Variants in ITGA6 observed in about 807,000 individuals in gnomAD.
The protein encoded by ITGA6 is integrin subunit alpha 6, also known as integrin alpha-6.
A neutral mutation model predicts 133.6 loss-of-function variants in ITGA6; 63 were observed. The ratio of observed to expected loss-of-function variants is 0.47; its 90% CI spans 0.38 to 0.58. The LOEUF (loss-of-function observed/expected upper bound fraction) is 0.58, where lower values mean the gene tolerates loss of function less well. Ranked by LOEUF, ITGA6 falls within the 20% of genes least tolerant of loss-of-function variation. The probability of loss-of-function intolerance (pLI) is 0.00; values close to 1 mark genes in which losing one functional copy is unlikely to be tolerated. For missense variants in ITGA6, 1,068 were observed against 1,309.4 expected, an observed-to-expected ratio of 0.82 and a Z score of 2.85; for synonymous variants, 434 against 482.0, an observed-to-expected ratio of 0.90 and a Z score of 1.30.
At chr2:172,496,893 T>C (rs1687148997) in intron 23 of ITGA6, among the ~76,000 whole-genome samples, 1 of 152,228 alleles carries the variant, frequency 6.6e-6, no homozygotes, top group Admixed American at 6.5e-5. Flanking sequence ...TAATTGATAT[T>C]TGCAAACTAT....
chr2:172,451,493 CAAGCCTGGCTGGGGGAG>C (rs1553529625), intron 1 of ITGA6, among the ~76,000 whole-genome samples: 1 of 150,572 alleles, frequency 6.6e-6, no homozygotes, highest in Non-Finnish European at 1.5e-5. Context: ...ATGCTTATGG[CAAGCCTGGCTGGGGGAG>C]AAGCTGAGTT....
At chr2:172,451,407 G>C (rs973372878) in intron 1 of ITGA6, among the ~76,000 whole-genome samples, 7 of 151,030 alleles carry the variant, frequency 4.6e-5, no homozygotes, top group Non-Finnish European at 7.4e-5. Context: ...AGAGGTTGCA[G>C]TGAGCCAAGA....
chr2:172,474,236 T>C lies in ITGA6; in HGVS notation c.957T>C (p.Asp319=), dbSNP rs1172446188. Residue 319 remains aspartate, a synonymous_variant, in exon 6 of 26, where the codon GAT becomes GAC. Transcript: ENST00000684293. Reference sequence around the variant, plus strand: ...GTCTGGCCTCTTCATTTGGCTATGATGTGGCGGTGGTGGACCTCAACAAGG... The same window carrying C: ...GTCTGGCCTCTTCATTTGGCTATGACGTGGCGGTGGTGGACCTCAACAAGG... ...GEGLASSFGY[D]VAVVDLNKDG... is the part of the protein sequence containing the mutation. The C allele has an allele frequency of 6.2e-7, 1 of 1,614,128 alleles. No individual in the cohort carries two copies. Among genetic ancestry groups the C allele is most frequent in the Non-Finnish European group, 8.5e-7 (1 of 1,180,030 alleles).
chr2:172,470,769 T>G (rs888621352), intron 4 of ITGA6, among the ~76,000 whole-genome samples: 1 of 152,228 alleles, frequency 6.6e-6, no homozygotes, highest in African/African-American at 2.4e-5. Flanking sequence ...GGGACAGTTT[T>G]TAATGACTCA....
At chr2:172,470,892 T>TG in intron 4 of ITGA6, 82 bp from the exon 5 acceptor site, 1 of 1,421,622 alleles carries the variant, frequency 7.0e-7, no homozygotes, top group Non-Finnish European at 9.8e-7. Context: ...AGTGATAGCA[T>TG]GGGGGATGTT....
chr2:172,465,368 G>A, intron 1 of ITGA6, 171 bp from the exon 2 acceptor site: 2 of 781,800 alleles, frequency 2.6e-6, no homozygotes, highest in Non-Finnish European at 4.3e-6. Context: ...TGTGCGTTTT[G>A]CATGAACCAG....
At position 172,491,123 on chromosome 2, in the gene ITGA6, G is replaced by A; in HGVS notation, c.2778+1G>A. 1.3e-6 allele frequency: 2 copies of A among 1,489,700 alleles called. No homozygotes were observed. Among genetic ancestry groups the A allele is most frequent in the Non-Finnish European group, 1.9e-6 (2 of 1,066,586 alleles). The allele number at this position is 1,489,700 out of a possible 1,614,324, so 92.3% of individuals were successfully genotyped here. ...TGCTGAAAGAAAATACCAGACTCTT[G>A]TAAGTATTTTTCAAGAGCTGTGAAT... On this transcript the variant is annotated splice_donor_variant, in intron 21 of 25. Transcript: ENST00000684293. LOFTEE classifies it high-confidence loss of function. This position sits in a 1 kb window ranked among gnomAD's most constrained non-coding sequence, Gnocchi z 4.4.
intron 1 of ITGA6, among the ~76,000 whole-genome samples, chr2:172,457,333 T>C (rs1403387722): frequency 6.7e-6 from 1 of 148,936 alleles, no homozygotes; most frequent in East Asian, 1.9e-4. Flanking sequence ...AGAAATTTAG[T>C]TCACATTCAA....
At chr2:172,456,505 A>C (rs1432221097) in intron 1 of ITGA6, among the ~76,000 whole-genome samples, 1 of 152,206 alleles carries the variant, frequency 6.6e-6, no homozygotes, top group African/African-American at 2.4e-5. Flanking sequence ...AGTGGAGTGA[A>C]TGTTCAATCT....
intron 11 of ITGA6, among the ~76,000 whole-genome samples, chr2:172,482,046 C>G (rs967064550): frequency 3.9e-5 from 6 of 152,136 alleles, no homozygotes; most frequent in Non-Finnish European, 8.8e-5. Flanking sequence ...GCCATTTTTT[C>G]AAACCACTCT....
At chr2:172,453,994 C>G (rs1414568854) in intron 1 of ITGA6, among the ~76,000 whole-genome samples, 3 of 152,038 alleles carry the variant, frequency 2.0e-5, no homozygotes, top group Non-Finnish European at 4.4e-5. Context: ...TAATCACTAA[C>G]TGTGGCCATT....
chr2:172,482,699 T>C (rs1411264133), intron 11 of ITGA6, among the ~76,000 whole-genome samples: 1 of 152,196 alleles, frequency 6.6e-6, no homozygotes, highest in Non-Finnish European at 1.5e-5. Flanking sequence ...AGGTCACTTA[T>C]AAATGGATGA....
chr2:172,465,370 A>C (rs564190800), intron 1 of ITGA6, 169 bp from the exon 2 acceptor site: 1 of 804,122 alleles, frequency 1.2e-6, no homozygotes, highest in Non-Finnish European at 2.1e-6. Flanking sequence ...TGCGTTTTGC[A>C]TGAACCAGCC....
At position 172,460,520 on chromosome 2, in the gene ITGA6, C is replaced by T. The variant is rs530895570; in HGVS notation, c.183-5019C>T. 7.9e-5 allele frequency among the ~76,000 whole-genome samples: 12 copies of T among 152,244 alleles called. No individual in the cohort carries two copies. In the East Asian group the frequency reaches 2.3e-3, roughly 29 times the overall value. Reference sequence around the variant, plus strand: ...ATATTATGGGGCCAACAGTTATTGCCTAAAGCTGATAAATCAATACATATA... The same window carrying T: ...ATATTATGGGGCCAACAGTTATTGCTTAAAGCTGATAAATCAATACATATA... On this transcript the variant is annotated intron_variant, in intron 1 of 25. Coordinates refer to ENST00000684293, the MANE Select transcript of ITGA6 (RefSeq NM_000210.4).
intron 1 of ITGA6, chr2:172,464,185 C>G (rs560267867): frequency 6.6e-6 from 1 of 152,378 alleles, no homozygotes; most frequent in Non-Finnish European, 1.5e-5. Flanking sequence ...TCTGGCCCCC[C>G]TCCCTGCTTT....
chr2:172,474,181 T>A lies in ITGA6; in HGVS notation c.902T>A (p.Leu301His). ...AAGAGAGACATGAAGTCTGCACATC[T>A]CCTCCCTGAGCACATATTCGATGGA... Reference protein sequence around the residue: ...LLKRDMKSAHLLPEHIFDGEG... With the variant: ...LLKRDMKSAHHLPEHIFDGEG... The change falls in exon 6 of 26, where the codon CTC becomes CAC. Residue 301 changes from leucine (L) to histidine (H), a missense_variant. This residue lies in a region of ITGA6 where 317 missense variants were observed against 456.9 expected (regional missense o/e 0.69). Coordinates refer to ENST00000684293, the MANE Select transcript of ITGA6 (RefSeq NM_000210.4). 6.2e-7 allele frequency: 1 copy of A among 1,614,114 alleles called. No individual in the cohort carries two copies. Among genetic ancestry groups the A allele is most frequent in the African/African-American group, 1.3e-5 (1 of 75,034 alleles).
At chr2:172,451,674 G>A (rs1685010557) in intron 1 of ITGA6, among the ~76,000 whole-genome samples, 1 of 152,184 alleles carries the variant, frequency 6.6e-6, no homozygotes, top group South Asian at 2.1e-4. Flanking sequence ...CAGGATGAGA[G>A]CGCAGCTAGA....
At chr2:172,452,060 G>A (rs16860416) in intron 1 of ITGA6, among the ~76,000 whole-genome samples, 25,917 of 149,136 alleles carry the variant, frequency 0.17, 2,861 homozygotes, top group African/African-American at 0.31. Flanking sequence ...ACATTTTAGG[G>A]ATTTCTTGTA....
intron 2 of ITGA6, among the ~76,000 whole-genome samples, chr2:172,466,977 A>C (rs1396404230): frequency 1.3e-5 from 2 of 152,232 alleles, no homozygotes; most frequent in Non-Finnish European, 2.9e-5. Flanking sequence ...TGTCAGCTAC[A>C]AGATCCTAAA....
Sources: gnomAD v4.1 joint callset for allele counts (sites outside exome capture counted in the v4.1 genomes callset) on GRCh38, gnomAD v4.1.1 for gene constraint, gnomAD v4.1.1 regional missense constraint, Gnocchi (gnomAD v3.1) non-coding constraint, MANE v1.5 for transcripts, NCBI Gene and HGNC (gene_info 2026-07-23, HGNC 2026-07-21) for gene names.